Variants in INPP5B observed in about 807,000 individuals in gnomAD.
The protein encoded by INPP5B is type II inositol 1,4,5-trisphosphate 5-phosphatase.
A neutral mutation model predicts 118.5 loss-of-function variants in INPP5B; 90 were observed. The ratio of observed to expected loss-of-function variants is 0.76; its 90% CI spans 0.64 to 0.90. The LOEUF is 0.90. INPP5B is among the 40% of genes least tolerant of loss of function. The probability of loss-of-function intolerance (pLI) is 0.00; values close to 1 mark genes in which losing one functional copy is unlikely to be tolerated. For synonymous variants in INPP5B, 385 were observed against 418.9 expected (o/e 0.92, Z 0.99); for missense variants, 984 against 1,125.6 (o/e 0.87, Z 1.80).
rs543052171 is a variant in INPP5B at position 37,907,283 on chromosome 1, G to A, written c.533-15829C>T. Among the ~76,000 whole-genome samples the A allele has an allele frequency of 6.6e-6, 1 of 152,224 alleles. No homozygotes were observed. The highest frequency in any genetic ancestry group is 1.9e-4 in the East Asian group (1 of 5,190). On this transcript the variant is annotated intron_variant, in intron 7 of 23. Transcript: ENST00000373024. The surrounding 1 kb of genome is among the most constrained non-coding windows in gnomAD (Gnocchi z 4.3). ...AATCTTCCAGATATTACCTTTTGTT[G>A]GAACTCAAGAGACATGAATGGCCTT... is the stretch of plus-strand genomic sequence containing the variant.
At chr1:37,877,856 C>A (rs555554077) in intron 16 of INPP5B, among the ~76,000 whole-genome samples, 2 of 152,166 alleles carry the variant, frequency 1.3e-5, no homozygotes, top group South Asian at 4.1e-4. Flanking sequence ...GTCCTCAGAG[C>A]AAAATGTATA....
At chr1:37,920,902 C>A (rs908821031) in intron 7 of INPP5B, among the ~76,000 whole-genome samples, 2 of 151,996 alleles carry the variant, frequency 1.3e-5, no homozygotes, top group African/African-American at 4.8e-5. Context: ...GTCAGGAGAT[C>A]GAGACCATCC....
At chr1:37,911,219 A>G (rs1644686152) in intron 7 of INPP5B, among the ~76,000 whole-genome samples, 1 of 152,100 alleles carries the variant, frequency 6.6e-6, no homozygotes, top group South Asian at 2.1e-4. Flanking sequence ...TACAGTTCCC[A>G]TAACTTTCAA....
Position 37,939,236 on chromosome 1 carries a change from C to A in INPP5B, c.391+1452G>T, listed in dbSNP as rs535024073. 1.6e-4 allele frequency among the ~76,000 whole-genome samples: 24 copies of A among 148,940 alleles called. No homozygotes were observed. In the South Asian group the frequency reaches 3.0e-3, roughly 19 times the overall value. On this transcript the variant is annotated intron_variant, in intron 6 of 23. Coordinates refer to ENST00000373024, the MANE Select transcript of INPP5B (RefSeq NM_005540.3). ...AAAATCAGCTAGGCATGGTGGTGGG[C>A]GCCTGTAATCCCACCTATTCAGGAG...
chr1:37,944,087 C>T (rs1646033113), intron 3 of INPP5B, among the ~76,000 whole-genome samples, 194 bp from the exon 4 acceptor site: 1 of 152,140 alleles, frequency 6.6e-6, no homozygotes, highest in African/African-American at 2.4e-5. Context: ...ATGAGGTCAT[C>T]AAACCAGAAC....
intron 19 of INPP5B, among the ~76,000 whole-genome samples, chr1:37,872,063 C>CAAAAAAAA: frequency 1.7e-5 from 1 of 58,214 alleles, no homozygotes; most frequent in Non-Finnish European, 3.2e-5. Flanking sequence ...GACTCCATCT[C>CAAAAAAAA]AAAAAAAAAA....
At chr1:37,888,033 A>G (rs1643638389) in intron 10 of INPP5B, among the ~76,000 whole-genome samples, 1 of 152,246 alleles carries the variant, frequency 6.6e-6, no homozygotes, top group South Asian at 2.1e-4. Context: ...AGATTACACT[A>G]AAAATTAAAT....
intron 15 of INPP5B, among the ~76,000 whole-genome samples, chr1:37,879,703 G>T (rs1286468602): frequency 6.6e-6 from 1 of 151,892 alleles, no homozygotes; most frequent in Admixed American, 6.6e-5. Flanking sequence ...GGTTGCAGTG[G>T]GCCAAGATCC....
At chr1:37,881,391 C>T (rs544110344) in intron 14 of INPP5B, among the ~76,000 whole-genome samples, 1 of 152,314 alleles carries the variant, frequency 6.6e-6, no homozygotes, top group Admixed American at 6.5e-5. Flanking sequence ...AGATCACACT[C>T]TCAGCAAGAT....
chr1:37,892,774 C>T (rs963069110), intron 7 of INPP5B, among the ~76,000 whole-genome samples: 1 of 152,172 alleles, frequency 6.6e-6, no homozygotes, highest in East Asian at 1.9e-4. Flanking sequence ...AAATCCTAAC[C>T]CCCAAGATAA....
rs1023574702 is a variant in INPP5B, at chr1:37,862,237, A to G, written c.*78T>C. ...TGCTACCAAGTGGCCTCACATAATT[A>G]TCTTAAGGCATCTCTTGAGCTGAAA... On this transcript the variant is annotated 3_prime_UTR_variant, in exon 24 of 24. Transcript: ENST00000373024. 3.1e-5 allele frequency: 29 copies of G among 933,646 alleles called. No individual in the cohort carries two copies. The highest frequency in any genetic ancestry group is 5.2e-6 in the Non-Finnish European group (3 of 572,804). 57.8% of individuals were successfully genotyped at this position (933,646 alleles called of 1,614,324 possible). A position where few individuals can be genotyped will look rare whatever the true frequency, so the allele number is the denominator to read the frequency against.
chr1:37,862,127 G>A lies in INPP5B; in HGVS notation c.*188C>T, dbSNP rs544998379. 2.0e-5 allele frequency: 10 copies of A among 494,916 alleles called. No homozygotes were observed. Among genetic ancestry groups the A allele is most frequent in the South Asian group, 7.7e-5 (2 of 26,058 alleles). The allele number at this position is 494,916 out of a possible 1,614,324, so 30.7% of individuals were successfully genotyped here. On this transcript the variant is annotated 3_prime_UTR_variant, in exon 24 of 24. Coordinates refer to ENST00000373024, the MANE Select transcript of INPP5B (RefSeq NM_005540.3). ...GTTTTATTATGGTGGATTTTCTCCC[G>A]TGTCTTCACGACTCACAGCGCTGAG...
chr1:37,914,324 G>A (rs143686091), intron 7 of INPP5B, among the ~76,000 whole-genome samples: 42 of 152,096 alleles, frequency 2.8e-4, no homozygotes, highest in African/African-American at 9.6e-4. Context: ...CTATAGATTC[G>A]CTTTGAATTC....
At chr1:37,925,742 T>C (rs765424979) in intron 7 of INPP5B, among the ~76,000 whole-genome samples, 5 of 152,150 alleles carry the variant, frequency 3.3e-5, no homozygotes, top group African/African-American at 7.2e-5. Context: ...ACTGCAGAAT[T>C]CCAAAACAAA....
intron 5 of INPP5B, among the ~76,000 whole-genome samples, chr1:37,941,171 C>G (rs930119263): frequency 6.6e-6 from 1 of 152,028 alleles, no homozygotes; most frequent in African/African-American, 2.4e-5. Flanking sequence ...CTGACTATGC[C>G]AGGTAGTGTG....
At chr1:37,888,751 A>G (rs1303152788) in intron 9 of INPP5B, among the ~76,000 whole-genome samples, 2 of 152,240 alleles carry the variant, frequency 1.3e-5, no homozygotes, top group Non-Finnish European at 2.9e-5. Flanking sequence ...TTGTATCCCT[A>G]GAAACAATGT....
chr1:37,866,609 T>A, intron 20 of INPP5B, 66 bp from the exon 21 acceptor site: 1 of 958,166 alleles, frequency 1.0e-6, no homozygotes, highest in Non-Finnish European at 1.7e-6. Flanking sequence ...TTTCCTGACC[T>A]GGCAATATCA....
At chr1:37,875,746 C>T in intron 16 of INPP5B, 30 bp from the exon 17 acceptor site, 1 of 1,542,998 alleles carries the variant, frequency 6.5e-7, no homozygotes, top group Non-Finnish European at 9.0e-7. Flanking sequence ...GACTGAGTAC[C>T]TTGGCTTCTG....
chr1:37,876,833 T>C (rs1642860289), intron 16 of INPP5B, among the ~76,000 whole-genome samples: 1 of 150,636 alleles, frequency 6.6e-6, no homozygotes, highest in African/African-American at 2.4e-5. Flanking sequence ...TGAGCCGAGA[T>C]GGCGCCACTG....
Sources: allele counts gnomAD v4.1 joint callset (sites outside exome capture counted in the v4.1 genomes callset), GRCh38; gene constraint gnomAD v4.1.1; non-coding constraint Gnocchi (gnomAD v3.1); transcripts MANE v1.5; gene names NCBI Gene and HGNC (gene_info 2026-07-23, HGNC 2026-07-21).